Variants in CDC25B observed in about 807,000 individuals in gnomAD.
The protein encoded by CDC25B is cell division cycle 25B.
CDC25B carries 33 observed loss-of-function variants against 69.8 expected under a neutral mutation model. That is an observed-to-expected ratio of 0.47 (90% CI 0.36 to 0.63). The LOEUF is 0.63. Among genes scored for constraint, CDC25B ranks in the 30% least tolerant of loss-of-function variants. The pLI, the probability that CDC25B is intolerant of heterozygous loss-of-function variation, is 0.00. For missense variants in CDC25B, 727 were observed against 809.1 expected, an observed-to-expected ratio of 0.90 and a Z score of 1.23; for synonymous variants, 341 against 314.6, an observed-to-expected ratio of 1.08 and a Z score of -0.89.
chr20:3,802,403 T>G, intron 11 of CDC25B, 27 bp downstream of exon 11: 1 of 1,542,638 alleles, frequency 6.5e-7, no homozygotes, highest in Non-Finnish European at 8.9e-7. Context: ...AGGGGGTACC[T>G]TGGGGGCTTG....
At chr20:3,791,984 G>T (rs575345785), upstream of CDC25B, among the ~76,000 whole-genome samples, 1 of 152,212 alleles carries the variant, frequency 6.6e-6, no homozygotes, top group East Asian at 1.9e-4. Context: ...CACGATCTTG[G>T]CTCACTGCAA....
Position 3,800,842 on chromosome 20 carries a change from A to C in CDC25B, c.559A>C (p.Ser187Arg), listed in dbSNP as rs536795359. The change falls in exon 6 of 16, where the codon AGC becomes CGC. Residue 187 changes from serine (S) to arginine (R), a missense_variant. Physicochemically the swap from Ser to Arg is moderately radical, Grantham distance 110. Coordinates refer to ENST00000245960, the MANE Select transcript of CDC25B (RefSeq NM_021873.4). ...CGAGGCGGGCAGTGGAGCTGCCAGC[A>C]GCTCTGGGGAAGACAAGGAGAATGT... Reference protein sequence around the residue: ...KSEAGSGAASSSGEDKENDGF... With the variant: ...KSEAGSGAASRSGEDKENDGF... 6.2e-7 allele frequency: 1 copy of C among 1,613,790 alleles called. No individual in the cohort carries two copies. The highest frequency in any genetic ancestry group is 1.1e-5 in the South Asian group (1 of 91,086).
chr20:3,802,715 C>T, intron 11 of CDC25B, 195 bp from the exon 12 acceptor site: 6 of 616,348 alleles, frequency 9.7e-6, no homozygotes, highest in South Asian at 4.0e-5. Context: ...TTTCATTTCT[C>T]TTTCCCCTTG....
intron 3 of CDC25B, among the ~76,000 whole-genome samples, chr20:3,799,483 GCTGT>G (rs2089185424): frequency 9.3e-6 from 1 of 106,980 alleles, no homozygotes; most frequent in African/African-American, 3.5e-5. Context: ...TTTCTCAGAA[GCTGT>G]GTGTGTGTGT....
In CDC25B at chr20:3,800,745, G is replaced by A. The variant is rs1277183527; in HGVS notation, c.462G>A (p.Val154=). 3.1e-6 allele frequency: 5 copies of A among 1,608,720 alleles called. No individual in the cohort carries two copies. The highest frequency in any genetic ancestry group is 3.4e-6 in the Non-Finnish European group (4 of 1,179,986). ...TGCCGCCCTGCCTGGCTCTCTAGGT[G>A]AGGCTGCTGGGCCACAGCCCCGTGC... is the stretch of plus-strand genomic sequence containing the variant. ...FAIRRFQSMP[V]RLLGHSPVLR... is the part of the protein sequence containing the mutation. Residue 154 remains valine, a splice_region_variant and synonymous_variant, in exon 6 of 16, where the codon GTG becomes GTA. Transcript: ENST00000245960.
Position 3,786,954 on chromosome 20 carries a change from G to T in CDC25B, c.-178G>T. On this transcript the variant is annotated 5_prime_UTR_variant, in exon 1 of 16. Coordinates refer to the CDC25B transcript ENST00000344256. ...GCGACCCGGCAGCGACGCGGGCGGG[G>T]ACGCGGTGCATCGCTACTGCGCCCG... The T allele has an allele frequency of 1.7e-5, 8 of 482,480 alleles. No homozygotes were observed. The South Asian group carries it at 2.8e-4, about 17-fold the overall frequency. 29.9% of individuals were successfully genotyped at this position (482,480 alleles called of 1,614,324 possible). A position where few individuals can be genotyped will look rare whatever the true frequency, so the allele number is the denominator to read the frequency against.
chr20:3,794,472 G>A (rs955534132), upstream of CDC25B, among the ~76,000 whole-genome samples: 1 of 148,160 alleles, frequency 6.7e-6, no homozygotes, highest in Non-Finnish European at 1.5e-5. Context: ...GGGGTGGGGG[G>A]GATACCTGTT....
chr20:3,798,596 C>G (rs562254724), intron 3 of CDC25B, 133 bp downstream of exon 3: 29 of 577,350 alleles, frequency 5.0e-5, no homozygotes, highest in African/African-American at 3.6e-4. Flanking sequence ...TCCCCATGGC[C>G]GGGGGGCTCA....
intron 2 of CDC25B, 138 bp from the exon 3 acceptor site, chr20:3,798,274 T>G: frequency 1.9e-6 from 1 of 520,460 alleles, no homozygotes. Flanking sequence ...GGTTGGGTTT[T>G]TGTTTCATTT....
rs79677925 is a variant in CDC25B, at chr20:3,791,004, T to C, written c.8+3865T>C. Among the ~76,000 whole-genome samples the C allele has an allele frequency of 1.2e-4, 18 of 152,220 alleles. No individual in the cohort carries two copies. In the East Asian group the frequency reaches 3.3e-3, roughly 28 times the overall value. Reference sequence around the variant, plus strand: ...TATAGGCATGAGCCACCACCCACACTTCTTTTACTCTAGGAAACTTGTTCA... The same window carrying C: ...TATAGGCATGAGCCACCACCCACACCTCTTTTACTCTAGGAAACTTGTTCA... On this transcript the variant is annotated intron_variant, in intron 1 of 15. Transcript: ENST00000344256.
intron 8 of CDC25B, 137 bp downstream of exon 8, chr20:3,801,525 G>A: frequency 8.2e-7 from 1 of 1,221,000 alleles, no homozygotes; most frequent in African/African-American, 1.5e-5. Flanking sequence ...CTGAGTCACA[G>A]CCTAACCTCT....
rs997793868 is a variant in CDC25B, at chr20:3,800,884, G to T, written c.582+19G>T. 2.5e-6 allele frequency: 4 copies of T among 1,613,322 alleles called. No individual in the cohort carries two copies. In the Admixed American group the frequency reaches 6.7e-5, roughly 27 times the overall value. ...GGAGAATGTGCGCTTCTGGAAGGCC[G>T]GGGTGGGAGCTCTCCGGGAAGAGGA... On this transcript the variant is annotated intron_variant, in intron 6 of 15. Transcript: ENST00000245960.
At chr20:3,793,023 A>G (rs529924372), upstream of CDC25B, among the ~76,000 whole-genome samples, 7 of 152,392 alleles carry the variant, frequency 4.6e-5, no homozygotes, top group South Asian at 1.4e-3. Context: ...AAGACTTGAT[A>G]TCCAAAAATG....
upstream of CDC25B, among the ~76,000 whole-genome samples, chr20:3,794,987 C>T (rs1018453020): frequency 2.0e-5 from 3 of 152,202 alleles, no homozygotes; most frequent in Non-Finnish European, 4.4e-5. Context: ...CTGCTCACTA[C>T]CCACCGGCTT....
intron 1 of CDC25B, among the ~76,000 whole-genome samples, chr20:3,790,725 A>T (rs969377689): frequency 3.3e-5 from 5 of 152,022 alleles, no homozygotes; most frequent in Non-Finnish European, 7.4e-5. Flanking sequence ...GCCAACTACT[A>T]TACCTGGCTA....
At chr20:3,804,478 C>T (rs2089403060) in intron 14 of CDC25B, 91 bp from the exon 15 acceptor site, 1 of 777,088 alleles carries the variant, frequency 1.3e-6, no homozygotes, top group Non-Finnish European at 2.2e-6. Context: ...CTCCCCAAGG[C>T]CCTCAAAGGA....
chr20:3,793,558 T>C (rs966814725), upstream of CDC25B, among the ~76,000 whole-genome samples: 2 of 143,192 alleles, frequency 1.4e-5, no homozygotes, highest in East Asian at 4.0e-4. Context: ...GTTTTTTTTT[T>C]TTTGGTTTTA....
intron 7 of CDC25B, 28 bp from the exon 8 acceptor site, chr20:3,801,226 A>T: frequency 6.2e-7 from 1 of 1,611,254 alleles, no homozygotes; most frequent in Non-Finnish European, 8.5e-7. Flanking sequence ...TCCACCTCTA[A>T]GTCTGTGTCT....
At chr20:3,794,872 G>A (rs909809258), upstream of CDC25B, among the ~76,000 whole-genome samples, 1 of 152,130 alleles carries the variant, frequency 6.6e-6, no homozygotes, top group Admixed American at 6.6e-5. Context: ...GGCTGGGACT[G>A]CACGAGAAGG....
Sources: gnomAD v4.1 joint callset for allele counts (sites outside exome capture counted in the v4.1 genomes callset) on GRCh38, gnomAD v4.1.1 for gene constraint, MANE v1.5 for transcripts, NCBI Gene and HGNC (gene_info 2026-07-23, HGNC 2026-07-21) for gene names.